The following TPD52 variants were observed in gnomAD, a reference collection of about 807,000 sequenced individuals.
TPD52 encodes the protein tumor protein D52, also known as prostate and colon associated protein.
TPD52 carries 17 observed loss-of-function variants against 31.3 expected under a neutral mutation model. The observed-to-expected ratio is 0.54, with a 90% CI of 0.37 to 0.82. The LOEUF (loss-of-function observed/expected upper bound fraction) is 0.82. TPD52 is among the 40% of genes least tolerant of loss of function. TPD52 has a pLI of 0.00. For missense variants in TPD52, 212 were observed against 240.1 expected, an observed-to-expected ratio of 0.88 and a Z score of 0.77; for synonymous variants, 83 against 89.6, an observed-to-expected ratio of 0.93 and a Z score of 0.42.
At position 80,164,159 on chromosome 8, in the gene TPD52, C is replaced by T. The variant is rs149093959; in HGVS notation, c.19+7266G>A. Among the ~76,000 whole-genome samples the T allele has an allele frequency of 1.6e-3, 245 of 151,374 alleles. 1 individual carries two copies. The highest frequency in any genetic ancestry group is 3.1e-3 in the Admixed American group (47 of 15,172). ...ACCTAGATAAGTTGATTCTAATGTT[C>T]GTTTGGAAATAGTCTGGCAAGAATA... is the stretch of plus-strand genomic sequence containing the variant. On this transcript the variant is annotated intron_variant, in intron 1 of 7. Coordinates refer to ENST00000518937, the MANE Select transcript of TPD52 (RefSeq NM_001025253.3).
chr8:80,072,798 C>CACATATATATATATATATATATAT lies in TPD52; in HGVS notation c.20-8206_20-8205insATATATATATATATATATATATGT, dbSNP rs977939775. 2.7e-4 allele frequency among the ~76,000 whole-genome samples: 38 copies of CACATATATATATATATATATATAT among 141,068 alleles called. 2 individuals carry two copies. Among genetic ancestry groups the CACATATATATATATATATATATAT allele is most frequent in the African/African-American group, 9.9e-4 (33 of 33,328 alleles). The allele number at this position is 141,068 out of a possible 152,430, so 92.5% of individuals were successfully genotyped here. On this transcript the variant is annotated intron_variant, in intron 1 of 7. Transcript: ENST00000518937. ...ATATATACACATACACACACACACACATATATATATATATATAAACTTGGC... is the reference window on the plus strand; with the variant it reads ...ATATATACACATACACACACACACACACATATATATATATATATATATATATATATATATATATATAAACTTGGC...
intron 1 of TPD52, among the ~76,000 whole-genome samples, chr8:80,126,692 G>A (rs928538472): frequency 1.4e-4 from 22 of 151,814 alleles, no homozygotes; most frequent in Admixed American, 1.2e-3. Context: ...CACGTTGACC[G>A]GGCTGGTCTT....
At position 80,036,710 on chromosome 8, in the gene TPD52, A is replaced by G. The variant is rs1809935990; in HGVS notation, c.*1406T>C. 2 of 152,644 alleles carry G rather than the reference A, an allele frequency of 1.3e-5. No homozygotes were observed. The highest frequency in any genetic ancestry group is 4.8e-5 in the African/African-American group (2 of 41,460). 9.5% of individuals were successfully genotyped at this position (152,644 alleles called of 1,614,324 possible). A position where few individuals can be genotyped will look rare whatever the true frequency, so the allele number is the denominator to read the frequency against. On this transcript the variant is annotated 3_prime_UTR_variant, in exon 8 of 8. Transcript: ENST00000518937. ...GGCAGCATGTTATTTTATAACAATC[A>G]ACACCTGTGGCTTTTAAAATTTGGT...
chr8:80,086,765 T>G (rs1382762836), intron 1 of TPD52, among the ~76,000 whole-genome samples: 2 of 148,874 alleles, frequency 1.3e-5, no homozygotes, highest in Non-Finnish European at 1.5e-5. Flanking sequence ...TCCCAGTTAC[T>G]CAGAAGACTG....
intron 1 of TPD52, among the ~76,000 whole-genome samples, chr8:80,105,268 C>T (rs1275252842): frequency 6.6e-6 from 1 of 152,066 alleles, no homozygotes; most frequent in Non-Finnish European, 1.5e-5. Flanking sequence ...AACTAAAAGG[C>T]AGAAATGAAA....
At chr8:80,105,440 T>C (rs1807032617) in intron 1 of TPD52, among the ~76,000 whole-genome samples, 1 of 152,126 alleles carries the variant, frequency 6.6e-6, no homozygotes, top group Non-Finnish European at 1.5e-5. Context: ...TACCGGTACA[T>C]GCAGCCCCCA....
At chr8:80,111,566 T>G (rs1001762413) in intron 1 of TPD52, among the ~76,000 whole-genome samples, 2 of 152,236 alleles carry the variant, frequency 1.3e-5, no homozygotes, top group Non-Finnish European at 2.9e-5. Flanking sequence ...TCTCTACACT[T>G]ACAAAGACAA....
chr8:80,115,463 AAG>A (rs1208245981), intron 1 of TPD52, among the ~76,000 whole-genome samples: 1 of 152,208 alleles, frequency 6.6e-6, no homozygotes, highest in Non-Finnish European at 1.5e-5. Flanking sequence ...AAGAAAGATC[AAG>A]AGTCATACAA....
chr8:80,084,915 G>A (rs1268854160), intron 1 of TPD52, among the ~76,000 whole-genome samples: 1 of 151,908 alleles, frequency 6.6e-6, no homozygotes, highest in Non-Finnish European at 1.5e-5. Flanking sequence ...ATGGAAAAAA[G>A]CAATACAAAT....
intron 1 of TPD52, among the ~76,000 whole-genome samples, chr8:80,122,251 C>A (rs1257698394): frequency 1.3e-5 from 2 of 151,976 alleles, no homozygotes; most frequent in Non-Finnish European, 2.9e-5. Context: ...ACAGAGGGAA[C>A]TGGAAGTTGG....
chr8:80,131,843 A>G (rs898202601), intron 1 of TPD52, among the ~76,000 whole-genome samples: 14 of 152,058 alleles, frequency 9.2e-5, no homozygotes, highest in Admixed American at 7.9e-4. Context: ...TTTGGTTTGG[A>G]GACAGATTTT....
At chr8:80,092,233 C>T (rs1816330829) in intron 1 of TPD52, among the ~76,000 whole-genome samples, 1 of 152,086 alleles carries the variant, frequency 6.6e-6, no homozygotes, top group Non-Finnish European at 1.5e-5. Context: ...TATGGTCATC[C>T]TACACTGCTA....
chr8:80,050,464 C>T lies in TPD52; in HGVS notation c.394G>A (p.Ala132Thr), dbSNP rs1341472692. ...CCTTACCTAAAGGAATGTGAAAAGG[C>T]TTGCAATCTGTAAGAAGCCAGAGTA... ...TKKLEDVKLQAFSHSFSIRSI... is the reference protein window; with the variant it reads ...TKKLEDVKLQTFSHSFSIRSI... The change falls in exon 5 of 8, where the codon GCC becomes ACC. Residue 132 changes from alanine (A) to threonine (T), a missense_variant. Coordinates refer to ENST00000518937, the MANE Select transcript of TPD52 (RefSeq NM_001025253.3). 2 of 1,606,310 alleles carry T rather than the reference C, an allele frequency of 1.2e-6. No individual in the cohort carries two copies. Among genetic ancestry groups the T allele is most frequent in the Non-Finnish European group, 1.7e-6 (2 of 1,176,620 alleles).
At chr8:80,127,382 T>C (rs1808693045) in intron 1 of TPD52, among the ~76,000 whole-genome samples, 1 of 152,212 alleles carries the variant, frequency 6.6e-6, no homozygotes, top group Admixed American at 6.5e-5. Flanking sequence ...ACAATCATTG[T>C]ATAAATGCAT....
At chr8:80,057,915 G>C (rs1046558802) in intron 2 of TPD52, among the ~76,000 whole-genome samples, 1 of 152,080 alleles carries the variant, frequency 6.6e-6, no homozygotes, top group East Asian at 1.9e-4. Flanking sequence ...CATATAGCTG[G>C]TAACTTCATT....
intron 1 of TPD52, among the ~76,000 whole-genome samples, chr8:80,103,071 G>A (rs1806861270): frequency 6.6e-6 from 1 of 151,988 alleles, no homozygotes; most frequent in South Asian, 2.1e-4. Flanking sequence ...TTTATCCTCT[G>A]GCATATCCTT....
At chr8:80,154,998 TTTG>T (rs1286193755) in intron 1 of TPD52, among the ~76,000 whole-genome samples, 4 of 119,432 alleles carry the variant, frequency 3.3e-5, no homozygotes, top group Non-Finnish European at 7.0e-5. Context: ...TTTTTGGTTT[TTTG>T]TTTTTTTTTT....
chr8:80,137,029 AT>A (rs1327636643), intron 1 of TPD52, among the ~76,000 whole-genome samples: 1 of 152,076 alleles, frequency 6.6e-6, no homozygotes, highest in Non-Finnish European at 1.5e-5. Flanking sequence ...ATCTTTTCCA[AT>A]TTTTTTTAAA....
At chr8:80,143,504 A>G (rs1809981062) in intron 1 of TPD52, among the ~76,000 whole-genome samples, 1 of 152,206 alleles carries the variant, frequency 6.6e-6, no homozygotes, top group African/African-American at 2.4e-5. Context: ...ACCCACAGTG[A>G]GCTAATTATA....
Sources: allele counts gnomAD v4.1 joint callset (sites outside exome capture counted in the v4.1 genomes callset), GRCh38; gene constraint gnomAD v4.1.1; transcripts MANE v1.5; gene names NCBI Gene and HGNC (gene_info 2026-07-23, HGNC 2026-07-21).